Variants in PTPRD observed in about 807,000 individuals in gnomAD.
The protein encoded by PTPRD is receptor-type tyrosine-protein phosphatase delta.
PTPRD carries 34 observed loss-of-function variants against 214.5 expected under a neutral mutation model. The ratio of observed to expected loss-of-function variants is 0.16; its 90% CI spans 0.12 to 0.21. The LOEUF (loss-of-function observed/expected upper bound fraction) is 0.21. PTPRD is among the 10% of genes least tolerant of loss of function. PTPRD has a pLI of 1.00. For missense variants in PTPRD, 2,545 were observed against 2,398.7 expected (o/e 1.06, Z -1.27); for synonymous variants, 1,128 against 845.7 (o/e 1.33, Z -5.79).
chr9:9,200,125 C>T (rs1031503908), intron 9 of PTPRD, among the ~76,000 whole-genome samples: 2 of 152,166 alleles, frequency 1.3e-5, no homozygotes, highest in African/African-American at 4.8e-5. Flanking sequence ...TGCCTCTGCT[C>T]CTACTGGGAG....
intron 3 of PTPRD, among the ~76,000 whole-genome samples, chr9:10,143,142 G>A (rs2098998443): frequency 6.6e-6 from 1 of 152,110 alleles, no homozygotes; most frequent in African/African-American, 2.4e-5. Context: ...GGGGAGGGGA[G>A]AGGGATAGCA....
chr9:9,019,462 G>T (rs1177127277), intron 10 of PTPRD, among the ~76,000 whole-genome samples: 1 of 152,126 alleles, frequency 6.6e-6, no homozygotes, highest in African/African-American at 2.4e-5. Flanking sequence ...CCCAGGACTT[G>T]GGGAGGCCAA....
At chr9:8,409,088 A>C (rs1348270291) in intron 35 of PTPRD, among the ~76,000 whole-genome samples, 1 of 152,230 alleles carries the variant, frequency 6.6e-6, no homozygotes, top group African/African-American at 2.4e-5. Flanking sequence ...AAAAACTCAG[A>C]ATTAAAATAT....
intron 4 of PTPRD, among the ~76,000 whole-genome samples, chr9:10,025,428 G>T (rs2096905332): frequency 6.6e-6 from 1 of 152,090 alleles, no homozygotes; most frequent in South Asian, 2.1e-4. Context: ...AAGCAATTTT[G>T]CCTGAGAATG....
chr9:8,927,018 C>A (rs1236839515), intron 11 of PTPRD, among the ~76,000 whole-genome samples: 1 of 152,028 alleles, frequency 6.6e-6, no homozygotes, highest in African/African-American at 2.4e-5. Flanking sequence ...CAATTGCAAC[C>A]TTTTGACAGA....
intron 37 of PTPRD, 99 bp downstream of exon 37, chr9:8,389,133 G>A (rs2088464619): frequency 9.7e-7 from 1 of 1,030,614 alleles, no homozygotes; most frequent in Non-Finnish European, 1.4e-6. Flanking sequence ...AGAAAGATAA[G>A]CCTTAGGGAA....
intron 11 of PTPRD, among the ~76,000 whole-genome samples, chr9:8,819,617 A>G (rs903354047): frequency 6.6e-6 from 1 of 152,052 alleles, no homozygotes; most frequent in African/African-American, 2.4e-5. Context: ...GCCAAGATTG[A>G]GCCACTGCAC....
chr9:8,375,424 A>G (rs1176018173), intron 39 of PTPRD, among the ~76,000 whole-genome samples: 1 of 152,090 alleles, frequency 6.6e-6, no homozygotes, highest in Non-Finnish European at 1.5e-5. Context: ...CATTTTTAAA[A>G]ATCAAATTAG....
At chr9:10,438,879 G>C (rs916381753) in intron 2 of PTPRD, among the ~76,000 whole-genome samples, 1 of 151,726 alleles carries the variant, frequency 6.6e-6, no homozygotes, top group Admixed American at 6.6e-5. Flanking sequence ...CATAGTTTCT[G>C]AAACTGAAGT....
intron 8 of PTPRD, among the ~76,000 whole-genome samples, chr9:9,541,559 G>T (rs1213979402): frequency 6.6e-6 from 1 of 151,780 alleles, no homozygotes; most frequent in Non-Finnish European, 1.5e-5. Context: ...ATCTGATCTG[G>T]TATATCAGTT....
At chr9:10,014,456 G>A (rs868655886) in intron 4 of PTPRD, among the ~76,000 whole-genome samples, 6 of 152,032 alleles carry the variant, frequency 3.9e-5, no homozygotes, top group African/African-American at 1.4e-4. Flanking sequence ...TTTTGACTTT[G>A]AGAGTTATTG....
intron 2 of PTPRD, among the ~76,000 whole-genome samples, chr9:10,587,483 T>G (rs2074233013): frequency 6.6e-6 from 1 of 151,958 alleles, no homozygotes; most frequent in Non-Finnish European, 1.5e-5. Flanking sequence ...ATGGCAATAA[T>G]AAGTAAGGAG....
At chr9:9,133,333 A>G (rs530054575) in intron 10 of PTPRD, among the ~76,000 whole-genome samples, 2 of 152,186 alleles carry the variant, frequency 1.3e-5, no homozygotes, top group Admixed American at 1.3e-4. Context: ...ATTTATTTTA[A>G]TAACCTGCTC....
At chr9:9,843,139 T>C (rs918840891) in intron 5 of PTPRD, among the ~76,000 whole-genome samples, 3 of 152,052 alleles carry the variant, frequency 2.0e-5, no homozygotes, top group East Asian at 3.9e-4. Flanking sequence ...ACAGAAACCT[T>C]ATGGCTTCTA....
intron 2 of PTPRD, among the ~76,000 whole-genome samples, chr9:10,497,410 C>G (rs1297452452): frequency 6.6e-6 from 1 of 151,862 alleles, no homozygotes; most frequent in African/African-American, 2.4e-5. Context: ...CTCTTCTAAC[C>G]ATGTACTCTC....
At chr9:9,223,663 G>T (rs1425442397) in intron 9 of PTPRD, among the ~76,000 whole-genome samples, 1 of 151,714 alleles carries the variant, frequency 6.6e-6, no homozygotes, top group Non-Finnish European at 1.5e-5. Flanking sequence ...AGAGCAAATT[G>T]GTATTATTAA....
chr9:10,019,781 G>A (rs1032429673), intron 4 of PTPRD, among the ~76,000 whole-genome samples: 9 of 145,570 alleles, frequency 6.2e-5, no homozygotes, highest in Non-Finnish European at 1.1e-4. Flanking sequence ...CTGTTGTGGG[G>A]TGGGGGGGAG....
At chr9:8,905,530 G>C (rs1248533476) in intron 11 of PTPRD, among the ~76,000 whole-genome samples, 1 of 151,902 alleles carries the variant, frequency 6.6e-6, no homozygotes, top group South Asian at 2.1e-4. Context: ...CCTGAGGTCA[G>C]GCATTCAAGA....
intron 12 of PTPRD, among the ~76,000 whole-genome samples, chr9:8,665,040 G>A (rs1195846546): frequency 6.6e-6 from 1 of 152,044 alleles, no homozygotes; most frequent in Non-Finnish European, 1.5e-5. Flanking sequence ...AATGCACCTT[G>A]ATTTTGTCAA....
Sources: allele counts gnomAD v4.1 joint callset (sites outside exome capture counted in the v4.1 genomes callset), GRCh38; gene constraint gnomAD v4.1.1; transcripts MANE v1.5; gene names NCBI Gene and HGNC (gene_info 2026-07-23, HGNC 2026-07-21).